Variants in MALRD1 observed in about 807,000 individuals in gnomAD.
MALRD1 encodes MAM and LDL-receptor class A domain-containing protein 1.
MALRD1 carries 247 observed loss-of-function variants against 242.1 expected under a neutral mutation model. That is an observed-to-expected ratio of 1.02 (90% CI 0.92 to 1.13). MALRD1 has a LOEUF of 1.13. Among genes scored for constraint, MALRD1 ranks in the 50% most tolerant of loss-of-function variants. The probability of loss-of-function intolerance (pLI) is 0.00; values close to 1 mark genes in which losing one functional copy is unlikely to be tolerated. For missense variants in MALRD1, 2,989 were observed against 2,533.1 expected, an observed-to-expected ratio of 1.18 and a Z score of -3.86; for synonymous variants, 995 against 866.6, an observed-to-expected ratio of 1.15 and a Z score of -2.60.
Position 19,697,192 on chromosome 10 carries a change from A to G in MALRD1, c.6314+4638A>G, listed in dbSNP as rs143964026. On this transcript the variant is annotated intron_variant, in intron 38 of 39. Coordinates refer to ENST00000454679, the MANE Select transcript of MALRD1 (RefSeq NM_001142308.3). Reference sequence around the variant, plus strand: ...GAGATTTAAGGAGTTGTCTCATGCAATTGTGGGGACTGGCAAGCTTGAAAC... The same window carrying G: ...GAGATTTAAGGAGTTGTCTCATGCAGTTGTGGGGACTGGCAAGCTTGAAAC... 6.2e-3 allele frequency among the ~76,000 whole-genome samples: 949 copies of G among 152,208 alleles called. 10 individuals carry two copies. Among genetic ancestry groups the G allele is most frequent in the African/African-American group, 0.022 (894 of 41,542 alleles).
At chr10:19,365,999 C>T (rs1431706499) in intron 26 of MALRD1, among the ~76,000 whole-genome samples, 1 of 151,958 alleles carries the variant, frequency 6.6e-6, no homozygotes, top group Non-Finnish European at 1.5e-5. Context: ...TTTAGAGTAG[C>T]GATCCACAAC....
rs187685111 is a variant in MALRD1, at chr10:19,209,124, C to T, written c.2579-144C>T. 2.6e-4 allele frequency: 164 copies of T among 621,570 alleles called. 2 individuals are homozygous for T. The East Asian group carries it at 4.8e-3, about 18-fold the overall frequency. The allele number at this position is 621,570 out of a possible 1,614,324, so 38.5% of individuals were successfully genotyped here. ...AACTCTTTTTTTAAAAAAAACACTT[C>T]AGTGTTGGATTTTAAAAATAAAATG... On this transcript the variant is annotated intron_variant, in intron 17 of 39. Coordinates refer to ENST00000454679, the MANE Select transcript of MALRD1 (RefSeq NM_001142308.3).
At chr10:19,401,245 G>T (rs973284286) in intron 28 of MALRD1, among the ~76,000 whole-genome samples, 1 of 151,936 alleles carries the variant, frequency 6.6e-6, no homozygotes, top group African/African-American at 2.4e-5. Context: ...GATTCTATTT[G>T]TGTTATTTAA....
chr10:19,491,537 T>C lies in MALRD1; in HGVS notation c.5050T>C (p.Cys1684Arg), dbSNP rs1335188776. The C allele has an allele frequency of 1.3e-6, 2 of 1,550,126 alleles. No individual in the cohort carries two copies. The highest frequency in any genetic ancestry group is 2.0e-5 in the Admixed American group (1 of 50,998). The change falls in exon 30 of 40, where the codon TGT becomes CGT. Residue 1684 changes from cysteine (C) to arginine (R), a missense_variant. By Grantham distance (180) the Cys-to-Arg change is radical. Coordinates refer to ENST00000454679, the MANE Select transcript of MALRD1 (RefSeq NM_001142308.3). The stretch of plus-strand genomic sequence containing the variant: ...CCTAGTGGGAGAGATCTCTGAGCTT[T>C]GTCCGGAAATCACTGATTTTTTGTG... ...CTTVGEISEL[C>R]PEITDFLCRD...
At position 19,581,014 on chromosome 10, in the gene MALRD1, A is replaced by T. The variant is rs547587151; in HGVS notation, c.5680+13311A>T. Among the ~76,000 whole-genome samples the T allele has an allele frequency of 5.3e-5, 8 of 152,232 alleles. No individual in the cohort carries two copies. The South Asian group carries it at 1.7e-3, about 32-fold the overall frequency. Reference sequence around the variant, plus strand: ...TATGGAAATGAAATAAGATCAAATTATTCTTTTCTCTTTCCCTATTACAGA... The same window carrying T: ...TATGGAAATGAAATAAGATCAAATTTTTCTTTTCTCTTTCCCTATTACAGA... On this transcript the variant is annotated intron_variant, in intron 33 of 39. Transcript: ENST00000454679.
Position 19,203,827 on chromosome 10 carries a change from CT to C in MALRD1, c.2052del (p.Asp685IlefsTer24). 6.4e-7 allele frequency: 1 copy of C among 1,550,490 alleles called. No individual in the cohort carries two copies. The highest frequency in any genetic ancestry group is 1.4e-5 in the African/African-American group (1 of 73,140). On this transcript the variant is annotated frameshift_variant, in exon 15 of 40. Transcript: ENST00000454679. LOFTEE classifies it high-confidence loss of function. ...CGGAGCTCTCAGAGTGAACTTTCTG[CT>C]GATTTTGAGCACCAGGCTCCACCTC... is the stretch of plus-strand genomic sequence containing the variant. ...WIRSSQSELS[A>X]DFEHQAPPRD...
In MALRD1 at chr10:19,133,879, C is replaced by A; in HGVS notation, c.1134C>A (p.Tyr378Ter). The change falls in exon 9 of 40, where the codon TAC (tyrosine) becomes TAA (stop). Residue 378 changes from tyrosine to a stop codon, truncating the protein, a stop_gained. Transcript: ENST00000454679. LOFTEE classifies it high-confidence loss of function. Reference protein sequence around the residue: ...NNKEEEIFWTYNISTHSQWVK... With the variant: ...NNKEEEIFWT The stretch of plus-strand genomic sequence containing the variant: ...AGGAAGAAGAAATATTTTGGACATA[C>A]AACATATCAACTCACAGCCAATGGG... 1.6e-6 allele frequency: 2 copies of A among 1,229,296 alleles called. No homozygotes were observed. The highest frequency in any genetic ancestry group is 2.0e-6 in the Non-Finnish European group (2 of 986,654). The allele number at this position is 1,229,296 out of a possible 1,614,324, so 76.1% of individuals were successfully genotyped here.
chr10:19,188,763 A>C (rs1835846285), intron 14 of MALRD1, among the ~76,000 whole-genome samples: 1 of 152,198 alleles, frequency 6.6e-6, no homozygotes, highest in African/African-American at 2.4e-5. Flanking sequence ...ACTGTTGGCC[A>C]GTGTCAGAAA....
intron 28 of MALRD1, among the ~76,000 whole-genome samples, chr10:19,444,227 A>C (rs1235490743): frequency 6.6e-6 from 1 of 152,052 alleles, no homozygotes; most frequent in Non-Finnish European, 1.5e-5. Context: ...GGGTCTCCTC[A>C]ATACAGCACA....
intron 31 of MALRD1, among the ~76,000 whole-genome samples, chr10:19,513,708 C>T (rs1220290776): frequency 6.6e-6 from 1 of 151,478 alleles, no homozygotes; most frequent in Admixed American, 6.6e-5. Context: ...CACTGTACTC[C>T]AACCTGGGTG....
intron 13 of MALRD1, among the ~76,000 whole-genome samples, chr10:19,170,687 A>T (rs1197695028): frequency 1.3e-5 from 2 of 152,250 alleles, no homozygotes; most frequent in Non-Finnish European, 1.5e-5. Context: ...AAGCCCAGTT[A>T]TCTCTTTATT....
chr10:19,083,432 C>A (rs1470632746), intron 2 of MALRD1, among the ~76,000 whole-genome samples: 1 of 151,922 alleles, frequency 6.6e-6, no homozygotes, highest in Admixed American at 6.6e-5. Context: ...TTTTAAACTC[C>A]CTATCGATGT....
At chr10:19,608,168 A>C (rs1267589088) in intron 35 of MALRD1, among the ~76,000 whole-genome samples, 1 of 152,124 alleles carries the variant, frequency 6.6e-6, no homozygotes, top group Admixed American at 6.6e-5. Context: ...AATGTAATTT[A>C]AGATTATTAG....
chr10:19,253,346 A>C (rs1839376176), intron 18 of MALRD1, among the ~76,000 whole-genome samples: 1 of 152,044 alleles, frequency 6.6e-6, no homozygotes, highest in Non-Finnish European at 1.5e-5. Context: ...TGAAAGTAAT[A>C]GACACATTGA....
At chr10:19,291,781 C>T (rs1389513378) in intron 21 of MALRD1, among the ~76,000 whole-genome samples, 1 of 151,018 alleles carries the variant, frequency 6.6e-6, no homozygotes, top group African/African-American at 2.4e-5. Context: ...AAGGTCCTTC[C>T]ATTAAAAAAA....
In MALRD1 at chr10:19,474,090, G is replaced by A. The variant is rs535836021; in HGVS notation, c.5030-17427G>A. Among the ~76,000 whole-genome samples the A allele has an allele frequency of 2.1e-5, 3 of 144,120 alleles. No homozygotes were observed. In the East Asian group the frequency reaches 6.3e-4, roughly 30 times the overall value. 94.5% of individuals were successfully genotyped at this position (144,120 alleles called of 152,430 possible). A position where few individuals can be genotyped will look rare whatever the true frequency, so the allele number is the denominator to read the frequency against. ...TATTTCCCTAATGATTAATGATGTT[G>A]AACATCGTTTCATGTGCTTATTGGA... On this transcript the variant is annotated intron_variant, in intron 29 of 39. Transcript: ENST00000454679.
intron 34 of MALRD1, 109 bp downstream of exon 34, chr10:19,595,566 A>G: frequency 1.6e-6 from 2 of 1,237,318 alleles, no homozygotes; most frequent in East Asian, 2.6e-5. Context: ...CCGTGATTGT[A>G]TCATTAATAA....
In MALRD1 at chr10:19,439,880, A is replaced by G. The variant is rs1202288622; in HGVS notation, c.4846-10427A>G. Among the ~76,000 whole-genome samples, 10 of 152,318 alleles carry G rather than the reference A, an allele frequency of 6.6e-5. No homozygotes were observed. The South Asian group carries it at 1.0e-3, about 16-fold the overall frequency. On this transcript the variant is annotated intron_variant, in intron 28 of 39. Transcript: ENST00000454679. ...TATATTCTTTGGTCGTATACATTTT[A>G]TAATACGTGTGCTATTACTTCGAGT...
intron 29 of MALRD1, among the ~76,000 whole-genome samples, chr10:19,485,468 C>A (rs1001218950): frequency 6.6e-6 from 1 of 151,826 alleles, no homozygotes; most frequent in Admixed American, 6.6e-5. Flanking sequence ...AGGGTGAAAC[C>A]CCGTCTCTAC....
Sources: allele counts gnomAD v4.1 joint callset (sites outside exome capture counted in the v4.1 genomes callset), GRCh38; gene constraint gnomAD v4.1.1; transcripts MANE v1.5; gene names NCBI Gene and HGNC (gene_info 2026-07-23, HGNC 2026-07-21).